MOSPD1: variants seen among roughly 807,000 people sequenced by gnomAD.
The protein encoded by MOSPD1 is motile sperm domain containing 1.
Under a neutral mutation model 16.7 loss-of-function variants are expected in MOSPD1, and 5 were observed. The ratio of observed to expected loss-of-function variants is 0.30; its 90% confidence interval spans 0.16 to 0.63. The LOEUF (loss-of-function observed/expected upper bound fraction) is 0.63, where lower values mean the gene tolerates loss of function less well. MOSPD1 is among the 30% of genes least tolerant of loss of function. The pLI is 0.82. For synonymous variants in MOSPD1, 67 were observed against 59.2 expected (o/e 1.13, Z -0.61); for missense variants, 104 against 153.6 (o/e 0.68, Z 1.71).
At chrX:134,903,630 G>GGCGT (rs1439475384) in intron 1 of MOSPD1, among the ~76,000 whole-genome samples, 1 of 102,982 alleles carries the variant, frequency 9.7e-6, no homozygotes, top group East Asian at 2.9e-4. Context: ...GAAAATCACT[G>GGCGT]GAACCCGGCA....
At chrX:134,892,602 G>T (rs2082867315) in intron 4 of MOSPD1, among the ~76,000 whole-genome samples, 1 of 112,383 alleles carries the variant, frequency 8.9e-6, no homozygotes, top group Non-Finnish European at 1.9e-5. Context: ...AATTCTAAAA[G>T]ATTTTTAAAA....
chrX:134,887,921 A>G lies in MOSPD1; in HGVS notation c.*1240T>C, dbSNP rs1347963724. On this transcript the variant is annotated 3_prime_UTR_variant, in exon 6 of 6. Coordinates refer to ENST00000370783, the MANE Select transcript of MOSPD1 (RefSeq NM_019556.3). Reference sequence around the variant, plus strand: ...TAGACATAGAAGTTTTTAGAAGCAGAGACTGTTTTCTGCAAAAACCAACCT... The same window carrying G: ...TAGACATAGAAGTTTTTAGAAGCAGGGACTGTTTTCTGCAAAAACCAACCT... 8.8e-6 allele frequency: 1 copy of G among 113,050 alleles called. No homozygotes were observed. Among genetic ancestry groups the G allele is most frequent in the Non-Finnish European group, 1.9e-5 (1 of 53,325 alleles). The allele number at this position is 113,050 out of a possible 1,213,427, so 9.3% of individuals were successfully genotyped here. A position where few individuals can be genotyped will look rare whatever the true frequency, so the allele number is the denominator to read the frequency against.
Position 134,888,217 on chromosome X carries a change from TAAA to T in MOSPD1, c.*941_*943del, listed in dbSNP as rs943814881. The T allele has an allele frequency of 9.0e-6, 1 of 111,121 alleles. No individual in the cohort carries two copies. Among genetic ancestry groups the T allele is most frequent in the South Asian group, 3.8e-4 (1 of 2,642 alleles). The allele number at this position is 111,121 out of a possible 1,213,427, so 9.2% of individuals were successfully genotyped here. On this transcript the variant is annotated 3_prime_UTR_variant, in exon 6 of 6. Transcript: ENST00000370783. The stretch of plus-strand genomic sequence containing the variant: ...GTTGTCTTAATAATAAATAAAAACT[TAAA>T]AAAAAGTCTCAGTGACTGATATAAA...
At chrX:134,891,878 T>C (rs112697167) in intron 4 of MOSPD1, among the ~76,000 whole-genome samples, 229 of 111,691 alleles carry the variant, frequency 2.1e-3, no homozygotes, top group African/African-American at 6.9e-3. Flanking sequence ...AGTGAGTTCT[T>C]ACTGAAAGGT....
intron 1 of MOSPD1, among the ~76,000 whole-genome samples, chrX:134,909,731 T>C (rs966485217): frequency 4.5e-5 from 5 of 112,053 alleles, no homozygotes; most frequent in African/African-American, 1.6e-4. Context: ...ATGTTTACTT[T>C]CTACTTTAAT....
intron 1 of MOSPD1, among the ~76,000 whole-genome samples, chrX:134,913,797 T>C (rs1364654495): frequency 8.9e-6 from 1 of 111,997 alleles, no homozygotes; most frequent in Admixed American, 9.5e-5. Context: ...AGTATTTAGG[T>C]ATACCTGTTG....
chrX:134,912,746 T>C (rs754821977), intron 1 of MOSPD1, among the ~76,000 whole-genome samples: 3 of 106,072 alleles, frequency 2.8e-5, no homozygotes, highest in African/African-American at 1.0e-4. Flanking sequence ...GAGACCATCC[T>C]GGCTAACACG....
At chrX:134,902,849 CA>C (rs779709545) in intron 1 of MOSPD1, among the ~76,000 whole-genome samples, 33 of 65,242 alleles carry the variant, frequency 5.1e-4, no homozygotes, top group Admixed American at 6.0e-4. Context: ...TGGGTTTATA[CA>C]AAAAAAAAAA....
intron 5 of MOSPD1, 98 bp from the exon 6 acceptor site, chrX:134,889,290 T>C: frequency 3.3e-6 from 2 of 609,935 alleles, no homozygotes; most frequent in Non-Finnish European, 4.9e-6. Context: ...AAATACAACA[T>C]AGCACATAGG....
At chrX:134,895,255 T>C (rs1489468436) in intron 4 of MOSPD1, among the ~76,000 whole-genome samples, 2 of 109,711 alleles carry the variant, frequency 1.8e-5, no homozygotes, top group East Asian at 5.7e-4. Flanking sequence ...AATCCAGGAG[T>C]TGGAGGCTGC....
intron 5 of MOSPD1, among the ~76,000 whole-genome samples, chrX:134,890,546 C>T (rs1289972152): frequency 1.8e-5 from 2 of 110,824 alleles, no homozygotes; most frequent in East Asian, 5.7e-4. Context: ...TGGTGGCTCA[C>T]GCCTGTAATC....
rs750767561 is a variant in MOSPD1, at chrX:134,887,740, T to C, written c.*1421A>G. On this transcript the variant is annotated 3_prime_UTR_variant, in exon 6 of 6. Coordinates refer to ENST00000370783, the MANE Select transcript of MOSPD1 (RefSeq NM_019556.3). ...ACACGTGCACACACAGGACTTGAGA[T>C]GGAGAAACAAGAATAGCCTCCACAC... 2.6e-5 allele frequency: 3 copies of C among 113,509 alleles called. No individual in the cohort carries two copies. Among genetic ancestry groups the C allele is most frequent in the African/African-American group, 6.4e-5 (2 of 31,276 alleles). The allele number at this position is 113,509 out of a possible 1,213,427, so 9.4% of individuals were successfully genotyped here. A position where few individuals can be genotyped will look rare whatever the true frequency, so the allele number is the denominator to read the frequency against.
chrX:134,892,129 T>G (rs2082865732), intron 4 of MOSPD1, among the ~76,000 whole-genome samples: 1 of 111,821 alleles, frequency 8.9e-6, no homozygotes, highest in African/African-American at 3.2e-5. Flanking sequence ...CCTGCCACAC[T>G]AGACCTCCAC....
At chrX:134,898,884 A>G in intron 3 of MOSPD1, 1 of 380,811 alleles carries the variant, frequency 2.6e-6, no homozygotes, top group Non-Finnish European at 4.6e-6. Context: ...ACTAACATAT[A>G]CATGAGCTCC....
chrX:134,912,430 C>T lies in MOSPD1; in HGVS notation c.-102+2752G>A, dbSNP rs2082976530. On this transcript the variant is annotated intron_variant, in intron 1 of 5. Coordinates refer to ENST00000370783, the MANE Select transcript of MOSPD1 (RefSeq NM_019556.3). ...ACTCCCTCAGGTGATCCACCTGCCT[C>T]GGCCTCCCAAAGTGCTGAGATTACA... Among the ~76,000 whole-genome samples the T allele has an allele frequency of 2.7e-5, 3 of 110,280 alleles. No individual in the cohort carries two copies. The Admixed American group carries it at 2.9e-4, about 11-fold the overall frequency.
chrX:134,890,339 A>G (rs1257507355), intron 5 of MOSPD1, among the ~76,000 whole-genome samples: 2 of 110,228 alleles, frequency 1.8e-5, no homozygotes, highest in Non-Finnish European at 3.8e-5. Flanking sequence ...ACTTCATCCT[A>G]TGGATTATGG....
intron 1 of MOSPD1, among the ~76,000 whole-genome samples, chrX:134,906,174 CTTTTTTT>C (rs765109385): frequency 1.2e-4 from 7 of 56,658 alleles, no homozygotes; most frequent in Non-Finnish European, 2.1e-4. Context: ...CCATTTATCA[CTTTTTTT>C]TTTTTTTTTT....
intron 1 of MOSPD1, among the ~76,000 whole-genome samples, chrX:134,914,678 G>A (rs2082989361): frequency 8.9e-6 from 1 of 112,289 alleles, no homozygotes; most frequent in African/African-American, 3.2e-5. Flanking sequence ...AGGCTATCCC[G>A]GGACGCCTCG....
At chrX:134,914,244 T>C (rs2082986968) in intron 1 of MOSPD1, among the ~76,000 whole-genome samples, 1 of 112,270 alleles carries the variant, frequency 8.9e-6, no homozygotes, top group Non-Finnish European at 1.9e-5. Context: ...ATTTGTCCTC[T>C]CGTTCCCCGA....
Sources: gnomAD v4.1 joint callset for allele counts (sites outside exome capture counted in the v4.1 genomes callset) on GRCh38, gnomAD v4.1.1 for gene constraint, MANE v1.5 for transcripts, NCBI Gene and HGNC (gene_info 2026-07-23, HGNC 2026-07-21) for gene names.